RFX7: variants seen among roughly 807,000 people sequenced by gnomAD.
RFX7 encodes DNA-binding protein RFX7.
RFX7 carries 26 observed loss-of-function variants against 111.8 expected under a neutral mutation model. That is an observed-to-expected ratio of 0.23 (90% CI 0.17 to 0.32). The LOEUF is 0.32. Among genes scored for constraint, RFX7 ranks in the 10% least tolerant of loss-of-function variants. The pLI, the probability that RFX7 is intolerant of heterozygous loss-of-function variation, is 1.00. For missense variants in RFX7, 1,573 were observed against 1,772.9 expected, an observed-to-expected ratio of 0.89 and a Z score of 2.02; for synonymous variants, 624 against 624.4, an observed-to-expected ratio of 1.00 and a Z score of 0.01.
rs2042799461 is a variant in RFX7, at chr15:56,167,708, T to TGGGG, written c.195+11561_195+11562insCCCC. Reference sequence around the variant, plus strand: ...AAATATTTTCATTTGTCTTTACCAATAAACAGATAAATTTTTTCATAGCTT... The same window carrying TGGGG: ...AAATATTTTCATTTGTCTTTACCAATGGGGAAACAGATAAATTTTTTCATAGCTT... On this transcript the variant is annotated intron_variant, in intron 3 of 9. Transcript: ENST00000559447. 3.3e-5 allele frequency among the ~76,000 whole-genome samples: 5 copies of TGGGG among 152,308 alleles called. No homozygotes were observed. In the South Asian group the frequency reaches 1.0e-3, roughly 32 times the overall value.
At chr15:56,194,974 C>T (rs2043133649) in intron 2 of RFX7, among the ~76,000 whole-genome samples, 1 of 152,098 alleles carries the variant, frequency 6.6e-6, no homozygotes, top group South Asian at 2.1e-4. Flanking sequence ...CATAGCAGCA[C>T]TGTTCACAAG....
At chr15:56,214,893 T>C (rs1260749720) in intron 2 of RFX7, among the ~76,000 whole-genome samples, 2 of 148,552 alleles carry the variant, frequency 1.3e-5, no homozygotes, top group Non-Finnish European at 3.0e-5. Flanking sequence ...GAGTTTTCCA[T>C]GTAGACTAAC....
intron 5 of RFX7, among the ~76,000 whole-genome samples, chr15:56,139,977 A>C (rs1354355689): frequency 6.6e-6 from 1 of 152,204 alleles, no homozygotes; most frequent in Non-Finnish European, 1.5e-5. Context: ...GCCCGTTCTC[A>C]GATCTCCAGC....
At chr15:56,120,439 G>A (rs1215787341) in intron 5 of RFX7, among the ~76,000 whole-genome samples, 4 of 152,112 alleles carry the variant, frequency 2.6e-5, no homozygotes, top group African/African-American at 9.7e-5. Context: ...CATCTATAAA[G>A]ACAGATAATT....
rs1485530452 is a variant in RFX7 at position 56,243,607 on chromosome 15, G to A, written c.-165C>T. The A allele has an allele frequency of 5.9e-5, 24 of 403,986 alleles. No individual in the cohort carries two copies. The highest frequency in any genetic ancestry group is 2.6e-4 in the Admixed American group (4 of 15,480). 25.0% of individuals were successfully genotyped at this position (403,986 alleles called of 1,614,324 possible). On this transcript the variant is annotated 5_prime_UTR_variant, in exon 1 of 10. Transcript: ENST00000559447. ...TCCTCCCGTCAGCGGCCGGGGCTGT[G>A]GGGGGGTGAGATGGGGGCGTTTGAA...
intron 5 of RFX7, among the ~76,000 whole-genome samples, chr15:56,141,114 G>A: frequency 6.6e-6 from 1 of 152,118 alleles, no homozygotes; most frequent in Non-Finnish European, 1.5e-5. Context: ...CCCTACTTGA[G>A]ACAACTTTTA....
At chr15:56,154,423 CA>C (rs2042620486) in intron 3 of RFX7, among the ~76,000 whole-genome samples, 2 of 152,230 alleles carry the variant, frequency 1.3e-5, no homozygotes, top group South Asian at 4.1e-4. Context: ...GTACTGGTGC[CA>C]AAACAAATAT....
rs756141284 is a variant in RFX7 at position 56,096,452 on chromosome 15, G to A, written c.1276C>T (p.Arg426Trp). 3.7e-6 allele frequency: 6 copies of A among 1,612,372 alleles called. No individual in the cohort carries two copies. Among genetic ancestry groups the A allele is most frequent in the Middle Eastern group, 1.7e-4 (1 of 6,060 alleles). The change falls in exon 10 of 10, where the codon CGG (arginine) becomes TGG (tryptophan). Residue 426 changes from arginine (R) to tryptophan (W), a missense_variant. Physicochemically the swap from Arg to Trp is moderately radical, Grantham distance 101 (BLOSUM62 -3). Coordinates refer to ENST00000559447, the MANE Select transcript of RFX7 (RefSeq NM_022841.7). ...GGTAAGATCTGAGGGTAACGGTGCC[G>A]GGCAGAACGATCCCCACCAGGACTG... ...PASPGGDRSA[R>W]HRYPQILPKP...
chr15:56,230,088 C>G (rs1445696584), intron 2 of RFX7, among the ~76,000 whole-genome samples: 2 of 152,128 alleles, frequency 1.3e-5, no homozygotes, highest in Non-Finnish European at 2.9e-5. Context: ...AAAAATAGCT[C>G]AAACCCTCTG....
chr15:56,207,649 G>C (rs1194370996), intron 2 of RFX7, among the ~76,000 whole-genome samples: 4 of 152,038 alleles, frequency 2.6e-5, no homozygotes, highest in African/African-American at 9.7e-5. Flanking sequence ...TCCATAGAAA[G>C]AAAAACTGAT....
chr15:56,223,160 G>A (rs1255925136), intron 2 of RFX7, among the ~76,000 whole-genome samples: 1 of 152,026 alleles, frequency 6.6e-6, no homozygotes, highest in Non-Finnish European at 1.5e-5. Flanking sequence ...ACCTCCTTTT[G>A]ACTACAGGCC....
intron 2 of RFX7, among the ~76,000 whole-genome samples, chr15:56,223,246 C>A (rs958525128): frequency 6.6e-6 from 1 of 152,176 alleles, no homozygotes; most frequent in African/African-American, 2.4e-5. Context: ...AGAATGATCC[C>A]CATAAAGGTT....
At chr15:56,161,395 A>G (rs2042718498) in intron 3 of RFX7, among the ~76,000 whole-genome samples, 1 of 152,112 alleles carries the variant, frequency 6.6e-6, no homozygotes, top group Admixed American at 6.6e-5. Context: ...GACATGTAAG[A>G]TATTACTAAG....
At chr15:56,224,455 A>T (rs182648684) in intron 2 of RFX7, among the ~76,000 whole-genome samples, 3 of 116,552 alleles carry the variant, frequency 2.6e-5, no homozygotes, top group Admixed American at 9.4e-5. Context: ...CTCTTTTGCC[A>T]AGATTAGGAT....
At position 56,186,201 on chromosome 15, in the gene RFX7, T is replaced by C. The variant is rs142743536; in HGVS notation, c.162-6898A>G. 2.4e-3 allele frequency among the ~76,000 whole-genome samples: 361 copies of C among 152,338 alleles called. 3 individuals carry two copies. Among genetic ancestry groups the C allele is most frequent in the African/African-American group, 8.2e-3 (341 of 41,576 alleles). On this transcript the variant is annotated intron_variant, in intron 2 of 9. Coordinates refer to ENST00000559447, the MANE Select transcript of RFX7 (RefSeq NM_022841.7). ...GGGTCTGTCTGTGGGTTCCCTGTTT[T>C]AGTCCTATTTCACAGGTAAAAATCT... is the stretch of plus-strand genomic sequence containing the variant.
intron 5 of RFX7, among the ~76,000 whole-genome samples, chr15:56,112,635 A>G (rs1269928914): frequency 6.6e-6 from 1 of 152,214 alleles, no homozygotes; most frequent in Non-Finnish European, 1.5e-5. Context: ...CAATTCCAAC[A>G]AAAGCTAAAA....
At chr15:56,151,623 C>A (rs1393238932) in intron 3 of RFX7, among the ~76,000 whole-genome samples, 1 of 152,294 alleles carries the variant, frequency 6.6e-6, no homozygotes, top group East Asian at 1.9e-4. Flanking sequence ...TTGTAAAGAA[C>A]ATCGACACTA....
intron 4 of RFX7, among the ~76,000 whole-genome samples, chr15:56,143,598 A>G (rs1365682634): frequency 6.6e-6 from 1 of 152,178 alleles, no homozygotes; most frequent in East Asian, 1.9e-4. Flanking sequence ...AAGATAGGAC[A>G]AGGGAAGCTA....
chr15:56,142,723 T>G (rs2042417275), intron 5 of RFX7, 55 bp downstream of exon 5: 9 of 1,500,334 alleles, frequency 6.0e-6, no homozygotes, highest in Non-Finnish European at 8.2e-6. Flanking sequence ...TATGGCCAAG[T>G]ATAGTATTTT....
Sources: allele counts gnomAD v4.1 joint callset (sites outside exome capture counted in the v4.1 genomes callset), GRCh38; gene constraint gnomAD v4.1.1; transcripts MANE v1.5; gene names NCBI Gene and HGNC (gene_info 2026-07-23, HGNC 2026-07-21).